Variants in C10orf90 observed in about 807,000 individuals in gnomAD.
C10orf90 encodes the protein (E2-independent) E3 ubiquitin-conjugating enzyme FATS.
C10orf90 carries 56 observed loss-of-function variants against 62.5 expected under a neutral mutation model. That is an observed-to-expected ratio of 0.90 (90% CI 0.72 to 1.12). The LOEUF (loss-of-function observed/expected upper bound fraction) is 1.12. C10orf90 is among the 50% of genes most tolerant of loss of function. C10orf90 has a pLI of 0.00. For synonymous variants in C10orf90, 386 were observed against 340.4 expected, an observed-to-expected ratio of 1.13 and a Z score of -1.47; for missense variants, 970 against 880.4, an observed-to-expected ratio of 1.10 and a Z score of -1.29.
At chr10:126,637,942 G>A (rs1402824346) in intron 2 of C10orf90, among the ~76,000 whole-genome samples, 1 of 152,202 alleles carries the variant, frequency 6.6e-6, no homozygotes, top group East Asian at 1.9e-4. Context: ...AGGCCAGCAT[G>A]TCAGTGGCTA....
intron 3 of C10orf90, among the ~76,000 whole-genome samples, chr10:126,511,353 T>G (rs1328423408): frequency 1.4e-4 from 22 of 152,210 alleles, no homozygotes; most frequent in Non-Finnish European, 1.5e-5. Context: ...CCCCCAATTT[T>G]TAACTTGTGG....
At chr10:126,544,083 G>A (rs1864436657) in intron 2 of C10orf90, among the ~76,000 whole-genome samples, 1 of 152,332 alleles carries the variant, frequency 6.6e-6, no homozygotes, top group Non-Finnish European at 1.5e-5. Flanking sequence ...AAAACTCTAT[G>A]CTTGAATTTT....
intron 2 of C10orf90, among the ~76,000 whole-genome samples, chr10:126,602,911 A>C: frequency 6.6e-6 from 1 of 152,074 alleles, no homozygotes; most frequent in South Asian, 2.1e-4. Context: ...TCAGAATATG[A>C]GTAATGCAGC....
chr10:126,549,892 A>G (rs1197718791), intron 2 of C10orf90, among the ~76,000 whole-genome samples: 1 of 151,858 alleles, frequency 6.6e-6, no homozygotes, highest in African/African-American at 2.4e-5. Flanking sequence ...AAAGAATAAC[A>G]CCAAGTGCAA....
rs137987639 is a variant in C10orf90 at position 126,553,750 on chromosome 10, C to T, written c.314-39811G>A. ...CTGTACATATACTCTATGATAGTTC[C>T]GCAGTGATGAAAACACCTAACGACA... On this transcript the variant is annotated intron_variant, in intron 2 of 9. Coordinates refer to ENST00000488181, the MANE Select transcript of C10orf90 (RefSeq NM_001350921.2). Among the ~76,000 whole-genome samples, 79 of 152,174 alleles carry T rather than the reference C, an allele frequency of 5.2e-4. 1 individual carries two copies. In the East Asian group the frequency reaches 9.5e-3, roughly 18 times the overall value.
At chr10:126,473,895 T>G (rs145599765) in intron 4 of C10orf90, among the ~76,000 whole-genome samples, 2 of 152,180 alleles carry the variant, frequency 1.3e-5, no homozygotes, top group East Asian at 3.9e-4. Flanking sequence ...AGTTCCCAAG[T>G]GATGCTGATG....
At chr10:126,646,727 G>A (rs1846180415) in intron 1 of C10orf90, 90 bp from the exon 2 acceptor site, 1 of 288,240 alleles carries the variant, frequency 3.5e-6, no homozygotes. Flanking sequence ...TTTTAATCAG[G>A]AACATCCTGG....
chr10:126,652,992 A>G (rs1205709427), intron 1 of C10orf90, among the ~76,000 whole-genome samples: 1 of 152,216 alleles, frequency 6.6e-6, no homozygotes, highest in African/African-American at 2.4e-5. Context: ...TGTTTACACT[A>G]TATTATATTC....
intron 1 of C10orf90, among the ~76,000 whole-genome samples, chr10:126,667,789 T>C (rs553203327): frequency 1.8e-4 from 27 of 152,316 alleles, no homozygotes; most frequent in Admixed American, 1.2e-3. Flanking sequence ...TATGGCTACA[T>C]TGATGTCTGA....
intron 3 of C10orf90, among the ~76,000 whole-genome samples, chr10:126,508,852 A>G (rs1862925049): frequency 6.6e-6 from 1 of 152,172 alleles, no homozygotes; most frequent in African/African-American, 2.4e-5. Flanking sequence ...GGACACCATG[A>G]CACCCATGAG....
chr10:126,477,769 T>C lies in C10orf90; in HGVS notation c.1535-12783A>G, dbSNP rs1395618233. 2.0e-5 allele frequency among the ~76,000 whole-genome samples: 3 copies of C among 152,160 alleles called. 1 individual carries two copies. The highest frequency in any genetic ancestry group is 1.3e-4 in the Admixed American group (2 of 15,276). ...AATAGGAGTTTTTTATATAGTTGAG[T>C]CACTTTTCAGCAGCTCTGCCATACA... On this transcript the variant is annotated intron_variant, in intron 4 of 9. Transcript: ENST00000488181.
chr10:126,579,694 C>T (rs1328197368), intron 2 of C10orf90, among the ~76,000 whole-genome samples: 1 of 151,782 alleles, frequency 6.6e-6, no homozygotes, highest in Non-Finnish European at 1.5e-5. Context: ...TGATCTCTTA[C>T]TGAAATCTAC....
At chr10:126,604,031 G>A (rs1445096391) in intron 2 of C10orf90, among the ~76,000 whole-genome samples, 1 of 152,206 alleles carries the variant, frequency 6.6e-6, no homozygotes, top group African/African-American at 2.4e-5. Flanking sequence ...GGACAAGCTT[G>A]AGCGGAAGGG....
intron 8 of C10orf90, among the ~76,000 whole-genome samples, chr10:126,429,002 G>T (rs1240659958): frequency 6.6e-6 from 1 of 152,102 alleles, no homozygotes; most frequent in African/African-American, 2.4e-5. Flanking sequence ...GAAGTGGGGA[G>T]AAAAGTATTC....
chr10:126,454,495 C>G (rs559347603), intron 7 of C10orf90, among the ~76,000 whole-genome samples: 4 of 151,928 alleles, frequency 2.6e-5, no homozygotes, highest in African/African-American at 9.7e-5. Context: ...GCCCCTACGA[C>G]CTGCAGGGGC....
At chr10:126,546,009 T>C (rs1864481493) in intron 2 of C10orf90, among the ~76,000 whole-genome samples, 1 of 152,006 alleles carries the variant, frequency 6.6e-6, no homozygotes, top group African/African-American at 2.4e-5. Flanking sequence ...AAAAATGACA[T>C]GGTGACGAAT....
intron 7 of C10orf90, among the ~76,000 whole-genome samples, chr10:126,446,954 G>A (rs1858825139): frequency 1.3e-5 from 2 of 152,138 alleles, no homozygotes; most frequent in African/African-American, 4.8e-5. Context: ...GCTTAAAATA[G>A]CCTGTTATAA....
intron 2 of C10orf90, among the ~76,000 whole-genome samples, chr10:126,608,401 C>A (rs1343347527): frequency 2.0e-5 from 3 of 152,196 alleles, no homozygotes; most frequent in Non-Finnish European, 4.4e-5. Context: ...CTTGAGCCAC[C>A]ATGCCTAGCC....
At chr10:126,636,541 T>C (rs1845953608) in intron 2 of C10orf90, among the ~76,000 whole-genome samples, 1 of 152,196 alleles carries the variant, frequency 6.6e-6, no homozygotes, top group African/African-American at 2.4e-5. Flanking sequence ...TTGTGTTTTG[T>C]TTGGCAGTTG....
Sources: gnomAD v4.1 joint callset for allele counts (sites outside exome capture counted in the v4.1 genomes callset) on GRCh38, gnomAD v4.1.1 for gene constraint, MANE v1.5 for transcripts, NCBI Gene and HGNC (gene_info 2026-07-23, HGNC 2026-07-21) for gene names.